Variants in EPHB1 observed in about 807,000 individuals in gnomAD.
The protein encoded by EPHB1 is EPH receptor B1.
Under a neutral mutation model 94.4 loss-of-function variants are expected in EPHB1, and 30 were observed. The observed-to-expected ratio is 0.32, with a 90% CI of 0.24 to 0.43. The LOEUF is 0.43. Ranked by LOEUF, EPHB1 falls within the 20% of genes least tolerant of loss-of-function variation. EPHB1 has a pLI of 1.00. For missense variants in EPHB1, 1,055 were observed against 1,308.3 expected, an observed-to-expected ratio of 0.81 and a Z score of 2.99; for synonymous variants, 522 against 489.1, an observed-to-expected ratio of 1.07 and a Z score of -0.89.
chr3:134,807,900 TGCTGC>T (rs1262165755), intron 1 of EPHB1, among the ~76,000 whole-genome samples: 3 of 152,148 alleles, frequency 2.0e-5, no homozygotes, highest in African/African-American at 7.2e-5. Context: ...GAAATGCAGC[TGCTGC>T]CCAGATCAAG....
chr3:134,845,958 GT>G (rs1195315844), intron 1 of EPHB1, among the ~76,000 whole-genome samples: 1 of 148,326 alleles, frequency 6.7e-6, no homozygotes, highest in Non-Finnish European at 1.5e-5. Flanking sequence ...GGAGGTGGAG[GT>G]TTTTTGTGCC....
intron 1 of EPHB1, among the ~76,000 whole-genome samples, chr3:134,848,730 C>T (rs1038630791): frequency 2.0e-5 from 3 of 152,222 alleles, no homozygotes; most frequent in Non-Finnish European, 4.4e-5. Flanking sequence ...GCCCAAACCT[C>T]AAGGTCCCAG....
intron 2 of EPHB1, among the ~76,000 whole-genome samples, chr3:134,936,938 T>A (rs2039016195): frequency 6.6e-6 from 1 of 152,212 alleles, no homozygotes; most frequent in African/African-American, 2.4e-5. Context: ...GACCGTGGGA[T>A]GCAAATGCAG....
At chr3:134,870,156 A>G (rs2037469264) in intron 1 of EPHB1, among the ~76,000 whole-genome samples, 1 of 152,166 alleles carries the variant, frequency 6.6e-6, no homozygotes, top group Admixed American at 6.5e-5. Flanking sequence ...AGCTGGGTCT[A>G]TATGGGAGAG....
intron 7 of EPHB1, 137 bp downstream of exon 7, chr3:135,162,317 T>A: frequency 9.8e-7 from 1 of 1,021,724 alleles, no homozygotes; most frequent in Non-Finnish European, 1.4e-6. Context: ...ACGGTTTGCC[T>A]CCCAGTAGGG....
At position 134,884,581 on chromosome 3, in the gene EPHB1, TGTTA is replaced by T. The variant is rs528558400; in HGVS notation, c.59-41230_59-41227del. On this transcript the variant is annotated intron_variant, in intron 1 of 15. Transcript: ENST00000398015. ...ACTTAATGAGCATCAGACACATTTC[TGTTA>T]GTTAAGTAAAATATCAAAAATTGGC... is the stretch of plus-strand genomic sequence containing the variant. Among the ~76,000 whole-genome samples, 15 of 152,346 alleles carry T rather than the reference TGTTA, an allele frequency of 9.8e-5. No homozygotes were observed. The South Asian group carries it at 3.1e-3, about 32-fold the overall frequency.
intron 3 of EPHB1, among the ~76,000 whole-genome samples, chr3:135,042,743 G>A (rs1228390555): frequency 1.3e-5 from 2 of 152,202 alleles, no homozygotes; most frequent in Non-Finnish European, 2.9e-5. Context: ...TATCTGGTCT[G>A]TCCAAACAGC....
intron 1 of EPHB1, among the ~76,000 whole-genome samples, chr3:134,805,135 C>T (rs1224244321): frequency 6.6e-6 from 1 of 152,162 alleles, no homozygotes; most frequent in Non-Finnish European, 1.5e-5. Flanking sequence ...GGGAAGGGGC[C>T]TCATTCCAGG....
At chr3:134,820,277 G>C (rs1271937894) in intron 1 of EPHB1, among the ~76,000 whole-genome samples, 1 of 152,226 alleles carries the variant, frequency 6.6e-6, no homozygotes, top group Non-Finnish European at 1.5e-5. Flanking sequence ...GGGAAAAGCA[G>C]GTTTAGGGAG....
chr3:134,807,718 GT>G (rs2036094060), intron 1 of EPHB1, among the ~76,000 whole-genome samples: 1 of 152,076 alleles, frequency 6.6e-6, no homozygotes, highest in South Asian at 2.1e-4. Context: ...ACTGAGGAGG[GT>G]TTAATGAAAA....
At chr3:135,042,043 C>T (rs142243953) in intron 3 of EPHB1, among the ~76,000 whole-genome samples, 2 of 152,342 alleles carry the variant, frequency 1.3e-5, no homozygotes, top group East Asian at 3.9e-4. Flanking sequence ...GTCCTCCCAC[C>T]TCAGCCACCT....
In EPHB1 at chr3:135,249,392, T is replaced by G; in HGVS notation, c.2747T>G (p.Val916Gly). The change falls in exon 15 of 16, where the codon GTG becomes GGG. Residue 916 changes from valine to glycine, a missense_variant. Transcript: ENST00000398015. ...SIPDFTAFTT[V>G]DDWLSAIKMV... ...CCAGACTTCACGGCCTTTACCACCG[T>G]GGATGACTGGCTCAGCGCCATCAAA... is the stretch of plus-strand genomic sequence containing the variant. 1 of 1,614,026 alleles carries G rather than the reference T, an allele frequency of 6.2e-7. No individual in the cohort carries two copies. Among genetic ancestry groups the G allele is most frequent in the African/African-American group, 1.3e-5 (1 of 75,058 alleles).
intron 3 of EPHB1, among the ~76,000 whole-genome samples, chr3:134,996,582 C>T (rs1166199370): frequency 1.3e-5 from 2 of 152,178 alleles, no homozygotes; most frequent in Non-Finnish European, 2.9e-5. Flanking sequence ...TTCCCAATGG[C>T]TGTTTAGCAA....
At position 134,848,188 on chromosome 3, in the gene EPHB1, GA is replaced by G. The variant is rs370774355; in HGVS notation, c.58+52501del. On this transcript the variant is annotated intron_variant, in intron 1 of 15. Coordinates refer to ENST00000398015, the MANE Select transcript of EPHB1 (RefSeq NM_004441.5). ...TAAACTGCAGGGCTGTTGAACACAG[GA>G]ATGTGTGACTGGGACCAGGGGTTGT... 7.4e-4 allele frequency among the ~76,000 whole-genome samples: 112 copies of G among 152,260 alleles called. 1 individual carries two copies. The South Asian group carries it at 0.016, about 22-fold the overall frequency.
intron 1 of EPHB1, among the ~76,000 whole-genome samples, chr3:134,877,570 G>A (rs2037641752): frequency 6.6e-6 from 1 of 152,136 alleles, no homozygotes; most frequent in Admixed American, 6.5e-5. Context: ...GTCACCATCG[G>A]TCAGGAGATA....
At chr3:135,209,576 CA>C in intron 12 of EPHB1, among the ~76,000 whole-genome samples, 1 of 152,146 alleles carries the variant, frequency 6.6e-6, no homozygotes, top group South Asian at 2.1e-4. Context: ...CTATGCGCTT[CA>C]AAAAATGTTA....
intron 1 of EPHB1, among the ~76,000 whole-genome samples, chr3:134,905,380 A>C (rs953942782): frequency 1.3e-5 from 2 of 152,108 alleles, no homozygotes; most frequent in African/African-American, 4.8e-5. Context: ...TCCCCGCCAC[A>C]CCTTCCACAC....
At chr3:135,127,752 A>G (rs990052826) in intron 4 of EPHB1, among the ~76,000 whole-genome samples, 1 of 152,172 alleles carries the variant, frequency 6.6e-6, no homozygotes, top group Non-Finnish European at 1.5e-5. Context: ...ATCTGGCCCA[A>G]ATCACATTAA....
chr3:134,925,793 C>A (rs75624920), intron 1 of EPHB1, 23 bp from the exon 2 acceptor site: 1 of 1,556,804 alleles, frequency 6.4e-7, no homozygotes, highest in South Asian at 1.2e-5. Flanking sequence ...TTTGTTTATT[C>A]GTTTTTTCTT....
Sources: allele counts gnomAD v4.1 joint callset (sites outside exome capture counted in the v4.1 genomes callset), GRCh38; gene constraint gnomAD v4.1.1; transcripts MANE v1.5; gene names NCBI Gene and HGNC (gene_info 2026-07-23, HGNC 2026-07-21).